NBAS: variants seen among roughly 807,000 people sequenced by gnomAD.
The protein encoded by NBAS is NBAS subunit of NRZ tethering complex, also known as NAG/BC035112 fusion.
Under a neutral mutation model 302.5 loss-of-function variants are expected in NBAS, and 219 were observed. The ratio of observed to expected loss-of-function variants is 0.72; its 90% confidence interval spans 0.65 to 0.81. The LOEUF (loss-of-function observed/expected upper bound fraction) is 0.81. Ranked by LOEUF, NBAS falls within the 30% of genes least tolerant of loss-of-function variation. The pLI, the probability that NBAS is intolerant of heterozygous loss-of-function variation, is 0.00. For missense variants in NBAS, 2,932 were observed against 2,841.6 expected (o/e 1.03, Z -0.72); for synonymous variants, 1,118 against 1,021.6 (o/e 1.09, Z -1.80).
intron 44 of NBAS, among the ~76,000 whole-genome samples, chr2:15,274,484 AGTC>A (rs1669477272): frequency 6.6e-6 from 1 of 152,202 alleles, no homozygotes; most frequent in Non-Finnish European, 1.5e-5. Context: ...TCAGCAGTTG[AGTC>A]CAAATGCTAA....
intron 48 of NBAS, among the ~76,000 whole-genome samples, chr2:15,199,430 C>T (rs1447561407): frequency 1.3e-5 from 2 of 152,004 alleles, no homozygotes; most frequent in Non-Finnish European, 2.9e-5. Context: ...AGTATAGTAC[C>T]TATAAAATAC....
At chr2:14,997,153 G>A in the NBAS span, among the ~76,000 whole-genome samples, 1,514 of 152,248 alleles carry the variant, frequency 9.9e-3, 41 homozygotes, top group East Asian at 0.089. Flanking sequence ...ATGTACTTGA[G>A]GATGGAGGGA....
At chr2:14,790,206 G>T in the NBAS span, among the ~76,000 whole-genome samples, 2 of 152,152 alleles carry the variant, frequency 1.3e-5, no homozygotes, top group African/African-American at 4.8e-5. Flanking sequence ...CCCACTTACT[G>T]CTAACTTCTT....
the NBAS span, among the ~76,000 whole-genome samples, chr2:14,937,229 C>T: frequency 4.2e-3 from 636 of 152,208 alleles, 7 homozygotes; most frequent in African/African-American, 0.015. Flanking sequence ...TGACAGGTGG[C>T]ATAGTAGATT....
At chr2:14,971,459 G>A in the NBAS span, among the ~76,000 whole-genome samples, 1 of 152,152 alleles carries the variant, frequency 6.6e-6, no homozygotes, top group Non-Finnish European at 1.5e-5. Flanking sequence ...AGGTTGCAGT[G>A]AGCCAAGATT....
At chr2:14,984,707 T>G in the NBAS span, among the ~76,000 whole-genome samples, 1 of 151,968 alleles carries the variant, frequency 6.6e-6, no homozygotes, top group Non-Finnish European at 1.5e-5. Context: ...CCCAGAAGAG[T>G]TGATGTGATC....
At chr2:15,393,358 A>G (rs1025758794) in intron 28 of NBAS, among the ~76,000 whole-genome samples, 4 of 152,096 alleles carry the variant, frequency 2.6e-5, no homozygotes, top group Non-Finnish European at 5.9e-5. Flanking sequence ...ACTCAATAAA[A>G]AGAAAAATTA....
chr2:14,926,889 C>T, the NBAS span, among the ~76,000 whole-genome samples: 2 of 152,206 alleles, frequency 1.3e-5, no homozygotes, highest in Non-Finnish European at 2.9e-5. Flanking sequence ...CTTGGCTGGG[C>T]GACGACGCCC....
At chr2:15,033,964 AGAGGAAGAAAAGAGGAAGAG>A in the NBAS span, among the ~76,000 whole-genome samples, 1 of 145,414 alleles carries the variant, frequency 6.9e-6, no homozygotes, top group Non-Finnish European at 1.5e-5. Flanking sequence ...GAAAAGAAGA[AGAGGAAGAAAAGAGGAAGAG>A]GAAGAAGAAG....
chr2:14,790,120 G>A, the NBAS span, among the ~76,000 whole-genome samples: 1 of 152,200 alleles, frequency 6.6e-6, no homozygotes, highest in Non-Finnish European at 1.5e-5. Context: ...ATACAGCCAG[G>A]AAGTCACAGA....
At position 15,275,466 on chromosome 2, in the gene NBAS, A is replaced by AAATATCTT. The variant is rs1558494936; in HGVS notation, c.5724+10_5724+17dup. ...CTTCTACTGTGCTCAAACCACTTTA[A>AAATATCTT]AATATCTTTTTGTTTACCTTGGTCA... On this transcript the variant is annotated intron_variant, in intron 44 of 51. Transcript: ENST00000281513. 6.2e-7 allele frequency: 1 copy of AAATATCTT among 1,611,466 alleles called. No homozygotes were observed. The highest frequency in any genetic ancestry group is 2.2e-5 in the East Asian group (1 of 44,860).
At chr2:14,936,840 C>T in the NBAS span, among the ~76,000 whole-genome samples, 1 of 152,194 alleles carries the variant, frequency 6.6e-6, no homozygotes, top group Non-Finnish European at 1.5e-5. Flanking sequence ...CAGGACAACA[C>T]TTTAACCTGT....
At chr2:15,081,376 G>A in the NBAS span, among the ~76,000 whole-genome samples, 12 of 151,994 alleles carry the variant, frequency 7.9e-5, no homozygotes, top group Admixed American at 7.9e-4. Context: ...GGTCGTTTAT[G>A]GATCTCCTCA....
chr2:15,102,905 G>T, the NBAS span, among the ~76,000 whole-genome samples: 1 of 151,730 alleles, frequency 6.6e-6, no homozygotes, highest in Non-Finnish European at 1.5e-5. Flanking sequence ...TTCCAGCCAG[G>T]TAACTGTGGG....
At chr2:15,216,691 TATTTATGA>T (rs1666668474) in intron 48 of NBAS, among the ~76,000 whole-genome samples, 1 of 152,214 alleles carries the variant, frequency 6.6e-6, no homozygotes, top group South Asian at 2.1e-4. Flanking sequence ...CAATGATACT[TATTTATGA>T]AGAGCTCGCG....
the NBAS span, among the ~76,000 whole-genome samples, chr2:14,907,334 A>G: frequency 6.6e-6 from 1 of 152,188 alleles, no homozygotes; most frequent in Admixed American, 6.5e-5. Context: ...CAAGCACTTC[A>G]CTGCGTCTGA....
the NBAS span, among the ~76,000 whole-genome samples, chr2:14,834,177 G>T: frequency 6.6e-6 from 1 of 152,098 alleles, no homozygotes; most frequent in Non-Finnish European, 1.5e-5. Flanking sequence ...GAAAATAATA[G>T]CTCCCATCAA....
chr2:15,027,137 A>G, the NBAS span, among the ~76,000 whole-genome samples: 3 of 152,162 alleles, frequency 2.0e-5, no homozygotes, highest in South Asian at 6.2e-4. Context: ...TCCCCAGAAA[A>G]TGTGGGATTC....
intron 44 of NBAS, among the ~76,000 whole-genome samples, chr2:15,267,200 C>A (rs1669117455): frequency 6.6e-6 from 1 of 152,200 alleles, no homozygotes; most frequent in African/African-American, 2.4e-5. Flanking sequence ...TGCATGCACA[C>A]ATATGCTTCA....
Sources: gnomAD v4.1 joint callset for allele counts (sites outside exome capture counted in the v4.1 genomes callset) on GRCh38, gnomAD v4.1.1 for gene constraint, MANE v1.5 for transcripts, NCBI Gene and HGNC (gene_info 2026-07-23, HGNC 2026-07-21) for gene names.